The following MCCC2 variants were observed in gnomAD, a reference collection of about 807,000 sequenced individuals.
MCCC2 encodes methylcrotonyl-CoA carboxylase subunit 2.
In MCCC2, 52 loss-of-function variants were observed where a neutral mutation model predicts 77.2. That is an observed-to-expected ratio of 0.67 (90% CI 0.54 to 0.85). MCCC2 has a LOEUF of 0.85. Ranked by LOEUF, MCCC2 falls within the 40% of genes least tolerant of loss-of-function variation. The pLI is 0.00. For synonymous variants in MCCC2, 253 were observed against 248.4 expected (o/e 1.02, Z -0.18); for missense variants, 682 against 703.2 (o/e 0.97, Z 0.34).
Position 71,615,258 on chromosome 5 carries a change from C to T in MCCC2, c.624+10790C>T, listed in dbSNP as rs538226670. ...TGCTAGGATTATAGGCGTGAGCCAC[C>T]GCGCCCAGCCAACATTCTTAAGGAT... On this transcript the variant is annotated intron_variant, in intron 6 of 16. Coordinates refer to ENST00000340941, the MANE Select transcript of MCCC2 (RefSeq NM_022132.5). Among the ~76,000 whole-genome samples, 110 of 152,218 alleles carry T rather than the reference C, an allele frequency of 7.2e-4. 2 individuals are homozygous for T. Among genetic ancestry groups the T allele is most frequent in the Non-Finnish European group, 9.6e-4 (65 of 67,998 alleles).
intron 4 of MCCC2, among the ~76,000 whole-genome samples, chr5:71,600,598 A>G (rs949006467): frequency 1.3e-5 from 2 of 152,138 alleles, no homozygotes; most frequent in Non-Finnish European, 2.9e-5. Flanking sequence ...CCTTTATTAT[A>G]ATTCAAATTG....
intron 7 of MCCC2, among the ~76,000 whole-genome samples, chr5:71,628,963 T>G (rs540122459): frequency 3.6e-4 from 55 of 152,296 alleles, no homozygotes; most frequent in African/African-American, 1.2e-3. Context: ...CCCAGCGCTT[T>G]GGGAGGCCAA....
chr5:71,605,984 AG>A, intron 6 of MCCC2, among the ~76,000 whole-genome samples: 1 of 152,286 alleles, frequency 6.6e-6, no homozygotes, highest in Middle Eastern at 3.4e-3. Context: ...GTAGCCTTGT[AG>A]TACAGTTTGA....
chr5:71,629,008 C>T (rs1746624361), intron 7 of MCCC2, among the ~76,000 whole-genome samples: 1 of 151,972 alleles, frequency 6.6e-6, no homozygotes, highest in African/African-American at 2.4e-5. Context: ...GAACTCGAGA[C>T]CAGCCTGGCC....
chr5:71,611,783 C>CTTTT (rs976575166), intron 6 of MCCC2, among the ~76,000 whole-genome samples: 2 of 149,742 alleles, frequency 1.3e-5, no homozygotes, highest in African/African-American at 4.9e-5. Flanking sequence ...TACTTTATTC[C>CTTTT]TTTTTTTTTC....
rs535519604 is a variant in MCCC2 at position 71,604,422 on chromosome 5, G to A, written c.578G>A (p.Arg193His). ...DVFPDRDHFG[R>H]TFYNQAIMSS... The stretch of plus-strand genomic sequence containing the variant: ...TTTCCAGATCGAGACCACTTTGGCC[G>A]TACATTCTATAATCAGGCAATTATG... Residue 193 changes from arginine (R) to histidine (H), a missense_variant, in exon 6 of 17, where the codon CGT (arginine) becomes CAT (histidine). Arg to His is a conservative substitution (Grantham distance 29). Coordinates refer to ENST00000340941, the MANE Select transcript of MCCC2 (RefSeq NM_022132.5). 11 of 1,614,012 alleles carry A rather than the reference G, an allele frequency of 6.8e-6. No homozygotes were observed. The highest frequency in any genetic ancestry group is 2.2e-5 in the South Asian group (2 of 91,082).
chr5:71,634,337 C>G (rs1260862588), intron 8 of MCCC2, among the ~76,000 whole-genome samples: 1 of 152,208 alleles, frequency 6.6e-6, no homozygotes, highest in African/African-American at 2.4e-5. Context: ...AACCGTTTTA[C>G]TAGTTCCGAT....
chr5:71,652,826 T>G, intron 16 of MCCC2, 72 bp downstream of exon 16: 31 of 1,289,146 alleles, frequency 2.4e-5, no homozygotes, highest in Non-Finnish European at 3.4e-5. Flanking sequence ...TACAGAGCTC[T>G]GTGTAGTTGA....
At position 71,652,019 on chromosome 5, in the gene MCCC2, G is replaced by A. The variant is rs1747451717; in HGVS notation, c.1489-650G>A. On this transcript the variant is annotated intron_variant, in intron 15 of 16. Coordinates refer to ENST00000340941, the MANE Select transcript of MCCC2 (RefSeq NM_022132.5). ...TATTAGCATATTTACGTAAAAGAAG[G>A]TAGAGTTTATTTGAAATAAGTCTTT... 2.6e-5 allele frequency among the ~76,000 whole-genome samples: 4 copies of A among 152,212 alleles called. No individual in the cohort carries two copies. The South Asian group carries it at 8.3e-4, about 32-fold the overall frequency.
chr5:71,590,235 C>T (rs1377602752), intron 1 of MCCC2, among the ~76,000 whole-genome samples: 2 of 152,124 alleles, frequency 1.3e-5, no homozygotes, highest in Non-Finnish European at 2.9e-5. Context: ...ACTACACTGC[C>T]TCTTGGTTAG....
In MCCC2 at chr5:71,612,021, C is replaced by T. The variant is rs191467299; in HGVS notation, c.624+7553C>T. On this transcript the variant is annotated intron_variant, in intron 6 of 16. Coordinates refer to ENST00000340941, the MANE Select transcript of MCCC2 (RefSeq NM_022132.5). ...GCCAGGATGGTCTCGATCTCCTGAC[C>T]TCGTGATCTGCCGACCTCGTGATCC... Among the ~76,000 whole-genome samples the T allele has an allele frequency of 1.1e-4, 16 of 151,804 alleles. No homozygotes were observed. The East Asian group carries it at 1.2e-3, about 11-fold the overall frequency.
At chr5:71,618,511 TCC>T (rs879476797) in intron 6 of MCCC2, among the ~76,000 whole-genome samples, 2,789 of 68,466 alleles carry the variant, frequency 0.041, 55 homozygotes, top group Admixed American at 0.066. Context: ...CTTCCTTCCT[TCC>T]TTCCTTCCTT....
At chr5:71,614,029 T>TACACACACAC (rs35292468) in intron 6 of MCCC2, among the ~76,000 whole-genome samples, 47,421 of 148,098 alleles carry the variant, frequency 0.32, 7,740 homozygotes, top group Admixed American at 0.45. Context: ...ACGTATATAA[T>TACACACACAC]ACACACACAC....
intron 12 of MCCC2, 49 bp downstream of exon 12, chr5:71,643,944 A>G (rs1747203797): frequency 1.9e-6 from 3 of 1,609,890 alleles, no homozygotes; most frequent in Non-Finnish European, 1.7e-6. Context: ...AATTTAACAT[A>G]ACGTTGAAGG....
chr5:71,656,730 G>C lies in MCCC2; in HGVS notation c.1575-13G>C. 6.2e-7 allele frequency: 1 copy of C among 1,602,198 alleles called. No individual in the cohort carries two copies. The highest frequency in any genetic ancestry group is 2.2e-5 in the East Asian group (1 of 44,802). ...GTGGTAAATTCATAACTCTTTTTTT[G>C]TTCTTTTGTCAGGGTATGGGATGAT... On this transcript the variant is annotated splice_polypyrimidine_tract_variant and intron_variant, in intron 16 of 16. Transcript: ENST00000340941.
intron 10 of MCCC2, among the ~76,000 whole-genome samples, chr5:71,636,891 C>A (rs1327902987): frequency 5.9e-5 from 9 of 151,398 alleles, no homozygotes; most frequent in Non-Finnish European, 1.2e-4. Flanking sequence ...TTACAGGCAC[C>A]CGCCACCATA....
At chr5:71,602,183 A>G (rs945329812) in intron 4 of MCCC2, among the ~76,000 whole-genome samples, 1 of 151,844 alleles carries the variant, frequency 6.6e-6, no homozygotes, top group Non-Finnish European at 1.5e-5. Context: ...TTTTCATCTT[A>G]TTAGGACCTT....
intron 11 of MCCC2, among the ~76,000 whole-genome samples, chr5:71,642,112 C>T (rs1388406692): frequency 2.0e-5 from 3 of 152,148 alleles, no homozygotes; most frequent in African/African-American, 7.2e-5. Flanking sequence ...TTGCTAAAAG[C>T]CCTGTGGCAC....
intron 6 of MCCC2, among the ~76,000 whole-genome samples, chr5:71,618,448 A>G (rs1175202604): frequency 6.6e-6 from 1 of 151,816 alleles, no homozygotes; most frequent in African/African-American, 2.4e-5. Flanking sequence ...GTGAAAAGTA[A>G]ATTTCTTTTT....
Sources: allele counts gnomAD v4.1 joint callset (sites outside exome capture counted in the v4.1 genomes callset), GRCh38; gene constraint gnomAD v4.1.1; transcripts MANE v1.5; gene names NCBI Gene and HGNC (gene_info 2026-07-23, HGNC 2026-07-21).